Variants in SPART observed in about 807,000 individuals in gnomAD.
SPART encodes the protein spartin.
Under a neutral mutation model 58.7 loss-of-function variants are expected in SPART, and 35 were observed. That is an observed-to-expected ratio of 0.60 (90% CI 0.46 to 0.79). The LOEUF (loss-of-function observed/expected upper bound fraction) is 0.79. SPART is among the 30% of genes least tolerant of loss of function. The probability of loss-of-function intolerance (pLI) is 0.00; values close to 1 mark genes in which losing one functional copy is unlikely to be tolerated. For synonymous variants in SPART, 284 were observed against 280.7 expected (o/e 1.01, Z -0.12); for missense variants, 730 against 786.1 (o/e 0.93, Z 0.85).
intron 6 of SPART, 62 bp from the exon 7 acceptor site, chr13:36,312,539 C>A: frequency 6.7e-7 from 1 of 1,487,068 alleles, no homozygotes; most frequent in Non-Finnish European, 9.4e-7. Flanking sequence ...ATTTTTACCA[C>A]TCATCTTGCA....
At chr13:36,305,365 C>G (rs1433601460) in intron 8 of SPART, among the ~76,000 whole-genome samples, 2 of 152,140 alleles carry the variant, frequency 1.3e-5, no homozygotes, top group African/African-American at 4.8e-5. Flanking sequence ...TCTCCCATTA[C>G]TTACCACTTT....
intron 6 of SPART, among the ~76,000 whole-genome samples, chr13:36,313,294 G>A (rs1323935913): frequency 6.6e-6 from 1 of 152,178 alleles, no homozygotes; most frequent in East Asian, 1.9e-4. Context: ...CATAATGATG[G>A]TTTGGTCATT....
Position 36,326,755 on chromosome 13 carries a change from G to T in SPART, c.1165-57C>A, listed in dbSNP as rs1882978282. 4 of 1,583,266 alleles carry T rather than the reference G, an allele frequency of 2.5e-6. No homozygotes were observed. The Admixed American group carries it at 5.0e-5, about 20-fold the overall frequency. On this transcript the variant is annotated intron_variant, in intron 4 of 8. Transcript: ENST00000438666. Reference sequence around the variant, plus strand: ...AGTTAGTACTAAGAGGGGGAAAACTGTAAGCATTATATAACAAATATGAAG... The same window carrying T: ...AGTTAGTACTAAGAGGGGGAAAACTTTAAGCATTATATAACAAATATGAAG...
intron 6 of SPART, 37 bp from the exon 7 acceptor site, chr13:36,312,514 T>C (rs374548872): frequency 7.9e-5 from 126 of 1,597,500 alleles, no homozygotes; most frequent in Non-Finnish European, 1.0e-4. Context: ...TTAGGAAAAA[T>C]ATATTATTCC....
chr13:36,303,688 A>G lies in SPART; in HGVS notation c.*677T>C, dbSNP rs1295920502. 2.0e-5 allele frequency: 3 copies of G among 152,588 alleles called. No homozygotes were observed. Among genetic ancestry groups the G allele is most frequent in the Non-Finnish European group, 4.4e-5 (3 of 68,030 alleles). The allele number at this position is 152,588 out of a possible 1,614,324, so 9.5% of individuals were successfully genotyped here. On this transcript the variant is annotated 3_prime_UTR_variant, in exon 9 of 9. Transcript: ENST00000438666. ...ATACAATCATGTTCCCAAATTTCCT[A>G]GGCTCATAACAATACAGTCTCAATA...
intron 8 of SPART, among the ~76,000 whole-genome samples, chr13:36,305,567 GT>G (rs1360274703): frequency 6.6e-6 from 1 of 152,048 alleles, no homozygotes; most frequent in African/African-American, 2.4e-5. Context: ...CTGCCTCAGA[GT>G]TTTTTGAGCA....
At chr13:36,369,275 G>A (rs1032132877) in intron 1 of SPART, among the ~76,000 whole-genome samples, 2 of 152,094 alleles carry the variant, frequency 1.3e-5, no homozygotes, top group African/African-American at 4.8e-5. Flanking sequence ...GTTATTAGGA[G>A]TGTTGCAATG....
chr13:36,317,181 G>A (rs1268349404), intron 5 of SPART, among the ~76,000 whole-genome samples: 1 of 152,154 alleles, frequency 6.6e-6, no homozygotes, highest in African/African-American at 2.4e-5. Context: ...AAAGGTGTTA[G>A]ACCACGCAGG....
rs369188283 is a variant in SPART, at chr13:36,333,732, A to T, written c.810+1289T>A. Among the ~76,000 whole-genome samples the T allele has an allele frequency of 5.9e-5, 9 of 152,218 alleles. No homozygotes were observed. The East Asian group carries it at 1.7e-3, about 29-fold the overall frequency. ...ACTACCCCATCTCCAGTTGCTAAGG[A>T]CCCAAAGATTTTTTATTCCATCATT... On this transcript the variant is annotated intron_variant, in intron 2 of 8. Coordinates refer to ENST00000438666, the MANE Select transcript of SPART (RefSeq NM_015087.5).
At position 36,302,740 on chromosome 13, in the gene SPART, C is replaced by T. The variant is rs969561487; in HGVS notation, c.*1625G>A. 6.6e-6 allele frequency: 1 copy of T among 152,122 alleles called. No homozygotes were observed. The highest frequency in any genetic ancestry group is 2.4e-5 in the African/African-American group (1 of 41,418). The allele number at this position is 152,122 out of a possible 1,614,324, so 9.4% of individuals were successfully genotyped here. A position where few individuals can be genotyped will look rare whatever the true frequency, so the allele number is the denominator to read the frequency against. On this transcript the variant is annotated 3_prime_UTR_variant, in exon 9 of 9. Coordinates refer to ENST00000438666, the MANE Select transcript of SPART (RefSeq NM_015087.5). ...TTCAAGCATTCATTTGTGTTACAAA[C>T]GTCCCAATTACACTCTTTTATTTTT...
intron 5 of SPART, among the ~76,000 whole-genome samples, chr13:36,315,980 T>C (rs941159949): frequency 2.0e-5 from 3 of 152,184 alleles, no homozygotes; most frequent in African/African-American, 7.2e-5. Flanking sequence ...ACAGTATACA[T>C]AAATATGTTA....
At chr13:36,331,057 TG>T (rs1308163896) in intron 3 of SPART, among the ~76,000 whole-genome samples, 1 of 152,220 alleles carries the variant, frequency 6.6e-6, no homozygotes, top group Non-Finnish European at 1.5e-5. Flanking sequence ...AAGTGCTTAA[TG>T]TATTAATTTT....
At chr13:36,360,003 A>T (rs1329137588) in intron 1 of SPART, among the ~76,000 whole-genome samples, 1 of 151,614 alleles carries the variant, frequency 6.6e-6, no homozygotes, top group African/African-American at 2.4e-5. Flanking sequence ...TGGATTAAAA[A>T]TAAATTTTTA....
chr13:36,344,665 G>A (rs564679231), intron 1 of SPART, among the ~76,000 whole-genome samples: 1 of 152,198 alleles, frequency 6.6e-6, no homozygotes, highest in African/African-American at 2.4e-5. Flanking sequence ...AAGGATTGGA[G>A]GATGGTGACT....
At chr13:36,369,181 T>C (rs1366616363) in intron 1 of SPART, among the ~76,000 whole-genome samples, 2 of 152,148 alleles carry the variant, frequency 1.3e-5, no homozygotes, top group Admixed American at 1.3e-4. Context: ...CAAGAGGCCA[T>C]ACAAAATGAA....
chr13:36,350,412 C>T (rs562864182), upstream of SPART, among the ~76,000 whole-genome samples: 8 of 152,272 alleles, frequency 5.3e-5, no homozygotes, highest in Admixed American at 3.3e-4. Context: ...CGATCAATTC[C>T]GGGTTTATTT....
At chr13:36,314,562 C>A in intron 5 of SPART, 141 bp from the exon 6 acceptor site, 1 of 858,480 alleles carries the variant, frequency 1.2e-6, no homozygotes, top group Non-Finnish European at 1.9e-6. Flanking sequence ...AACTTTCAAG[C>A]TAACTTTATA....
chr13:36,309,427 T>G (rs1880859568), intron 8 of SPART, among the ~76,000 whole-genome samples: 1 of 152,144 alleles, frequency 6.6e-6, no homozygotes, highest in South Asian at 2.1e-4. Flanking sequence ...AAAAGACACA[T>G]GCACTCACTC....
At chr13:36,313,940 C>A in intron 6 of SPART, 1 of 430,842 alleles carries the variant, frequency 2.3e-6, no homozygotes, top group Non-Finnish European at 4.2e-6. Flanking sequence ...ACCAGTTTCT[C>A]AAACTTTAAT....
Sources: allele counts gnomAD v4.1 joint callset (sites outside exome capture counted in the v4.1 genomes callset), GRCh38; gene constraint gnomAD v4.1.1; transcripts MANE v1.5; gene names NCBI Gene and HGNC (gene_info 2026-07-23, HGNC 2026-07-21).